The following WLS variants were observed in gnomAD, a reference collection of about 807,000 sequenced individuals.
WLS encodes the protein protein wntless homolog.
A neutral mutation model predicts 62.8 loss-of-function variants in WLS; 23 were observed. That is an observed-to-expected ratio of 0.37 (90% CI 0.26 to 0.52). The LOEUF (loss-of-function observed/expected upper bound fraction) is 0.52. WLS is among the 20% of genes least tolerant of loss of function. The pLI, the probability that WLS is intolerant of heterozygous loss-of-function variation, is 0.92. For synonymous variants in WLS, 246 were observed against 244.1 expected (o/e 1.01, Z -0.07); for missense variants, 615 against 697.3 (o/e 0.88, Z 1.33).
intron 2 of WLS, among the ~76,000 whole-genome samples, chr1:68,163,387 C>T (rs1647013198): frequency 6.6e-6 from 1 of 151,936 alleles, no homozygotes; most frequent in Non-Finnish European, 1.5e-5. Flanking sequence ...GGCTCCCGCC[C>T]CTCCCACCCC....
At chr1:68,189,299 TAAG>T (rs1276294287) in intron 2 of WLS, among the ~76,000 whole-genome samples, 1 of 152,066 alleles carries the variant, frequency 6.6e-6, no homozygotes, top group African/African-American at 2.4e-5. Context: ...GTGCTTCCTT[TAAG>T]AAGATGAAAG....
rs565729218 is a variant in WLS at position 68,101,452 on chromosome 1, C to T, written c.1511-2699G>A. 9.0e-4 allele frequency among the ~76,000 whole-genome samples: 137 copies of T among 152,126 alleles called. 2 individuals carry two copies. In the South Asian group the frequency reaches 0.028, roughly 31 times the overall value. On this transcript the variant is annotated intron_variant, in intron 11 of 11. Coordinates refer to the WLS transcript ENST00000354777. ...AACTTAGTTACCTTGTAGAGGGGAA[C>T]GGGAATGTCTGGAAAGAAAGAACCT...
chr1:68,129,702 C>G (rs936831040), intron 11 of WLS, among the ~76,000 whole-genome samples: 3 of 152,156 alleles, frequency 2.0e-5, no homozygotes, highest in African/African-American at 7.2e-5. Context: ...CACTTGCCTC[C>G]TAATTCCATC....
chr1:68,163,350 G>A (rs1647011988), intron 2 of WLS, among the ~76,000 whole-genome samples: 1 of 152,166 alleles, frequency 6.6e-6, no homozygotes, highest in Non-Finnish European at 1.5e-5. Flanking sequence ...GGCAAAAGGC[G>A]CCCACTCTGG....
intron 2 of WLS, among the ~76,000 whole-genome samples, chr1:68,183,973 C>T (rs1647752423): frequency 6.6e-6 from 1 of 152,114 alleles, no homozygotes; most frequent in African/African-American, 2.4e-5. Context: ...TTCCAGTGTA[C>T]AGCACAAGGA....
intron 11 of WLS, among the ~76,000 whole-genome samples, chr1:68,130,353 A>C (rs1213713250): frequency 2.0e-5 from 3 of 152,154 alleles, no homozygotes; most frequent in African/African-American, 7.2e-5. Flanking sequence ...CCACTGCCCA[A>C]GTGTGAAAGC....
In WLS at chr1:68,197,791, G is replaced by C. The variant is rs566387491; in HGVS notation, c.107-3564C>G. 3.2e-4 allele frequency among the ~76,000 whole-genome samples: 48 copies of C among 152,124 alleles called. 1 individual carries two copies. The South Asian group carries it at 8.1e-3, about 26-fold the overall frequency. ...CTACATGGGTCACAAATTGTGTCTAGAATCAAAAAAAGTTTGATCTGTCTG... is the reference window on the plus strand; with the variant it reads ...CTACATGGGTCACAAATTGTGTCTACAATCAAAAAAAGTTTGATCTGTCTG... On this transcript the variant is annotated intron_variant, in intron 1 of 11. Coordinates refer to ENST00000262348, the MANE Select transcript of WLS (RefSeq NM_024911.7).
At chr1:68,224,211 G>A (rs1650047001) in intron 1 of WLS, among the ~76,000 whole-genome samples, 1 of 152,114 alleles carries the variant, frequency 6.6e-6, no homozygotes, top group Non-Finnish European at 1.5e-5. Context: ...AGGAGAAAGG[G>A]GGAGCAGAAA....
At chr1:68,133,959 A>G (rs1646568818) in intron 11 of WLS, among the ~76,000 whole-genome samples, 1 of 152,222 alleles carries the variant, frequency 6.6e-6, no homozygotes, top group African/African-American at 2.4e-5. Context: ...TCTCTGTAGC[A>G]AGATATCTGA....
chr1:68,103,740 C>T (rs1015686455), intron 11 of WLS, among the ~76,000 whole-genome samples: 2 of 152,080 alleles, frequency 1.3e-5, no homozygotes, highest in Admixed American at 6.5e-5. Context: ...GGAGGCGTGC[C>T]CAGCATCATC....
At chr1:68,154,960 A>T in intron 4 of WLS, 139 bp downstream of exon 4, 1 of 922,764 alleles carries the variant, frequency 1.1e-6, no homozygotes, top group Non-Finnish European at 1.6e-6. Flanking sequence ...CACACAAATT[A>T]GTTCACTTTA....
chr1:68,141,767 G>C (rs1224083369), intron 10 of WLS: 1 of 152,138 alleles, frequency 6.6e-6, no homozygotes, highest in Non-Finnish European at 1.5e-5. Flanking sequence ...TCATTGCTCT[G>C]ACATTCCAAA....
At chr1:68,106,398 G>A (rs1225420613) in intron 11 of WLS, among the ~76,000 whole-genome samples, 2 of 152,166 alleles carry the variant, frequency 1.3e-5, no homozygotes, top group Non-Finnish European at 2.9e-5. Flanking sequence ...TTCCCAGTGT[G>A]TGTGACCTCT....
At chr1:68,150,117 G>A in intron 6 of WLS, 71 bp downstream of exon 6, 1 of 1,516,870 alleles carries the variant, frequency 6.6e-7, no homozygotes, top group Non-Finnish European at 9.0e-7. Context: ...AGGCAAAGGG[G>A]GGCAGGTGTC....
At chr1:68,162,634 T>G in intron 2 of WLS, 2 of 1,256,638 alleles carry the variant, frequency 1.6e-6, no homozygotes, top group Non-Finnish European at 2.3e-6. Flanking sequence ...CAGTGCTTGG[T>G]ACAGCCATGT....
intron 1 of WLS, among the ~76,000 whole-genome samples, chr1:68,231,181 A>G (rs2100679472): frequency 6.6e-6 from 1 of 151,736 alleles, no homozygotes; most frequent in South Asian, 2.1e-4. Context: ...GCAGATGGGG[A>G]GACAGTGAGG....
intron 11 of WLS, among the ~76,000 whole-genome samples, chr1:68,115,606 A>T (rs1305898721): frequency 6.6e-6 from 1 of 152,072 alleles, no homozygotes; most frequent in Non-Finnish European, 1.5e-5. Context: ...TCATGGGACT[A>T]CTGTGAGGTG....
At chr1:68,103,557 G>T (rs1646105876) in intron 11 of WLS, among the ~76,000 whole-genome samples, 1 of 152,194 alleles carries the variant, frequency 6.6e-6, no homozygotes, top group African/African-American at 2.4e-5. Context: ...TACTGGTGGT[G>T]ATGGAGAGAG....
intron 3 of WLS, among the ~76,000 whole-genome samples, chr1:68,155,559 A>G (rs1444949939): frequency 6.6e-6 from 1 of 152,216 alleles, no homozygotes; most frequent in African/African-American, 2.4e-5. Context: ...AGGCTGTTTA[A>G]TCTTCATTAG....
Sources: allele counts gnomAD v4.1 joint callset (sites outside exome capture counted in the v4.1 genomes callset), GRCh38; gene constraint gnomAD v4.1.1; transcripts MANE v1.5; gene names NCBI Gene and HGNC (gene_info 2026-07-23, HGNC 2026-07-21).